Variants in KMT2C observed in about 807,000 individuals in gnomAD.
The protein encoded by KMT2C is histone-lysine N-methyltransferase 2C.
A neutral mutation model predicts 507.9 loss-of-function variants in KMT2C; 88 were observed. The observed-to-expected ratio is 0.17, with a 90% CI of 0.15 to 0.21. KMT2C has a LOEUF of 0.21. Among genes scored for constraint, KMT2C ranks in the 10% least tolerant of loss-of-function variants. The pLI is 1.00. For missense variants in KMT2C, 4,954 were observed against 5,957.8 expected, an observed-to-expected ratio of 0.83 and a Z score of 5.55; for synonymous variants, 2,049 against 2,080.8, an observed-to-expected ratio of 0.98 and a Z score of 0.42.
intron 44 of KMT2C, chr7:152,157,852 C>T (rs1284695998): frequency 7.5e-7 from 1 of 1,336,934 alleles, no homozygotes; most frequent in Non-Finnish European, 9.9e-7. Flanking sequence ...ATTAAATTGG[C>T]CACTGCCATA....
At chr7:152,171,435 C>T in intron 39 of KMT2C, 93 bp from the exon 40 acceptor site, 1 of 777,088 alleles carries the variant, frequency 1.3e-6, no homozygotes, top group Non-Finnish European at 2.0e-6. Context: ...ACAGTTTTCT[C>T]TTCCAGAGAA....
chr7:152,221,701 G>A (rs1405143761), intron 22 of KMT2C, among the ~76,000 whole-genome samples: 3 of 152,120 alleles, frequency 2.0e-5, no homozygotes, highest in Non-Finnish European at 2.9e-5. Flanking sequence ...TAACTAGGCC[G>A]TGTTTTCTGC....
At chr7:152,308,331 T>A (rs1480908696) in intron 6 of KMT2C, among the ~76,000 whole-genome samples, 1 of 152,090 alleles carries the variant, frequency 6.6e-6, no homozygotes, top group Admixed American at 6.6e-5. Flanking sequence ...AAATTTCCAG[T>A]TTTAATATTC....
chr7:152,178,461 G>A (rs1362033086), intron 37 of KMT2C, among the ~76,000 whole-genome samples: 1 of 152,174 alleles, frequency 6.6e-6, no homozygotes. Context: ...CTCAGTACAT[G>A]AGACTACAAA....
chr7:152,413,879 C>A (rs145222047), intron 1 of KMT2C, among the ~76,000 whole-genome samples: 52 of 70,152 alleles, frequency 7.4e-4, no homozygotes, highest in African/African-American at 2.5e-3. Flanking sequence ...GAGCAAAACT[C>A]CGTCTCAAAA....
chr7:152,216,351 C>T (rs4024349), intron 23 of KMT2C, among the ~76,000 whole-genome samples: 3 of 152,008 alleles, frequency 2.0e-5, no homozygotes, highest in South Asian at 2.1e-4. Context: ...CTTAAGGAAG[C>T]GGTTATTAGA....
chr7:152,206,638 T>G (rs2094315983), intron 24 of KMT2C, among the ~76,000 whole-genome samples: 1 of 152,128 alleles, frequency 6.6e-6, no homozygotes, highest in South Asian at 2.1e-4. Flanking sequence ...GAAAGCCTAC[T>G]CAACACGTGT....
At chr7:152,368,529 G>A (rs2097265925) in intron 1 of KMT2C, 1 of 1,356,390 alleles carries the variant, frequency 7.4e-7, no homozygotes, top group African/African-American at 1.4e-5. Context: ...TGGAAGCACA[G>A]CACAAAGAAT....
intron 14 of KMT2C, among the ~76,000 whole-genome samples, chr7:152,246,662 T>C (rs1466930831): frequency 6.6e-6 from 1 of 151,998 alleles, no homozygotes; most frequent in African/African-American, 2.4e-5. Context: ...CAGAACAACA[T>C]AATTATTATA....
At position 152,152,850 on chromosome 7, in the gene KMT2C, G is replaced by A. The variant is rs1201681375; in HGVS notation, c.12381C>T (p.Val4127=). The A allele has an allele frequency of 1.9e-6, 3 of 1,614,168 alleles. No individual in the cohort carries two copies. Among genetic ancestry groups the A allele is most frequent in the Non-Finnish European group, 1.7e-6 (2 of 1,180,020 alleles). ...SAPDVPSMGL[V]SSHRINPGLE... The stretch of plus-strand genomic sequence containing the variant: ...AACCCGGGTTGATTCTGTGGCTACT[G>A]ACCAAACCCATGGATGGGACATCTG... The change falls in exon 49 of 59, where the codon GTC becomes GTT. Residue 4127 remains valine (V), a synonymous_variant. Coordinates refer to ENST00000262189, the MANE Select transcript of KMT2C (RefSeq NM_170606.3).
In KMT2C at chr7:152,176,260, C is replaced by T. The variant is rs781572773; in HGVS notation, c.9193G>A (p.Glu3065Lys). ...LQDLLDQERQ[E>K]QQQQRQMQAM... ...TGCATCTGTCTTTGCTGCTGCTGTT[C>T]TTGCCTTTCTTGATCCAAAAGATCC... The change falls in exon 38 of 59, where the codon GAA becomes AAA. Residue 3065 changes from glutamate to lysine, a missense_variant. Glu to Lys is a moderately conservative substitution (Grantham distance 56). Coordinates refer to ENST00000262189, the MANE Select transcript of KMT2C (RefSeq NM_170606.3). 2 of 1,614,100 alleles carry T rather than the reference C, an allele frequency of 1.2e-6. No individual in the cohort carries two copies.
chr7:152,290,692 C>A (rs1023702923), intron 6 of KMT2C, among the ~76,000 whole-genome samples: 3 of 152,066 alleles, frequency 2.0e-5, no homozygotes, highest in African/African-American at 7.2e-5. Flanking sequence ...ACTTGAAAAA[C>A]TTGCGAAACT....
chr7:152,207,580 C>T, intron 23 of KMT2C, 152 bp from the exon 24 acceptor site: 1 of 673,952 alleles, frequency 1.5e-6, no homozygotes, highest in East Asian at 2.9e-5. Flanking sequence ...TAGAAGAAGC[C>T]CCAAATGGTT....
At chr7:152,429,596 C>CT (rs1454277523) in intron 1 of KMT2C, among the ~76,000 whole-genome samples, 1 of 151,850 alleles carries the variant, frequency 6.6e-6, no homozygotes, top group Non-Finnish European at 1.5e-5. Context: ...TCTCAGCTCA[C>CT]TGCAACCTCT....
intron 3 of KMT2C, among the ~76,000 whole-genome samples, chr7:152,328,452 A>G (rs2096850903): frequency 6.6e-6 from 1 of 152,178 alleles, no homozygotes. Flanking sequence ...CAGCACATTT[A>G]AAAGAGTGAG....
intron 41 of KMT2C, among the ~76,000 whole-genome samples, chr7:152,167,887 G>T (rs771523564): frequency 1.3e-5 from 2 of 151,928 alleles, no homozygotes; most frequent in Non-Finnish European, 2.9e-5. Flanking sequence ...AGAGAGAAAA[G>T]GAACCCAGAA....
At chr7:152,358,305 A>G (rs772345337) in intron 2 of KMT2C, among the ~76,000 whole-genome samples, 1 of 152,160 alleles carries the variant, frequency 6.6e-6, no homozygotes, top group South Asian at 2.1e-4. Context: ...TTATACTAAC[A>G]GCCTGGATTA....
chr7:152,435,818 G>C lies in KMT2C; in HGVS notation c.-32C>G, dbSNP rs1164125822. The C allele has an allele frequency of 6.0e-6, 8 of 1,329,658 alleles. No homozygotes were observed. The highest frequency in any genetic ancestry group is 7.7e-6 in the Non-Finnish European group (8 of 1,034,090). The allele number at this position is 1,329,658 out of a possible 1,614,324, so 82.4% of individuals were successfully genotyped here. A position where few individuals can be genotyped will look rare whatever the true frequency, so the allele number is the denominator to read the frequency against. On this transcript the variant is annotated 5_prime_UTR_variant, in exon 1 of 59. Transcript: ENST00000262189. ...CACCAGGAAAGACACATGGATCCCG[G>C]TCCTCCTCCTGGGGGGCTCCCGCCG...
At position 152,224,004 on chromosome 7, in the gene KMT2C, T is replaced by G. The variant is rs573665147; in HGVS notation, c.3323+11A>C. ...GAAAAGCTTTAAAAAGATGAAAAAATAGCACAATACCTATCACATTGTCTA... is the reference window on the plus strand; with the variant it reads ...GAAAAGCTTTAAAAAGATGAAAAAAGAGCACAATACCTATCACATTGTCTA... On this transcript the variant is annotated intron_variant, in intron 20 of 58. Transcript: ENST00000262189. 1 of 1,543,298 alleles carries G rather than the reference T, an allele frequency of 6.5e-7. No individual in the cohort carries two copies. Among genetic ancestry groups the G allele is most frequent in the African/African-American group, 1.4e-5 (1 of 72,224 alleles).
Sources: allele counts gnomAD v4.1 joint callset (sites outside exome capture counted in the v4.1 genomes callset), GRCh38; gene constraint gnomAD v4.1.1; transcripts MANE v1.5; gene names NCBI Gene and HGNC (gene_info 2026-07-23, HGNC 2026-07-21).